Variants in SPATA13 observed in about 807,000 individuals in gnomAD.
SPATA13 encodes spermatogenesis associated 13, also known as spermatogenesis-associated protein 13.
Under a neutral mutation model 104.0 loss-of-function variants are expected in SPATA13, and 50 were observed. The ratio of observed to expected loss-of-function variants is 0.48; its 90% CI spans 0.38 to 0.61. SPATA13 has a LOEUF of 0.61. Ranked by LOEUF, SPATA13 falls within the 20% of genes least tolerant of loss-of-function variation. The pLI is 0.00. For missense variants in SPATA13, 1,524 were observed against 1,690.6 expected (o/e 0.90, Z 1.73); for synonymous variants, 606 against 667.5 (o/e 0.91, Z 1.42).
At chr13:24,145,079 G>T (rs1434843613) in intron 3 of SPATA13, among the ~76,000 whole-genome samples, 1 of 152,168 alleles carries the variant, frequency 6.6e-6, no homozygotes, top group Non-Finnish European at 1.5e-5. Context: ...TCTGAAGTGG[G>T]CAAGTCAAAG....
At chr13:24,055,582 C>T (rs1263029281) in intron 3 of SPATA13, among the ~76,000 whole-genome samples, 1 of 152,162 alleles carries the variant, frequency 6.6e-6, no homozygotes, top group African/African-American at 2.4e-5. Context: ...AGGCACAGTG[C>T]TAGGCTGCAG....
At chr13:24,109,276 A>G (rs569859994) in intron 3 of SPATA13, among the ~76,000 whole-genome samples, 3 of 152,172 alleles carry the variant, frequency 2.0e-5, no homozygotes, top group Non-Finnish European at 4.4e-5. Flanking sequence ...TGTCCCTGCA[A>G]AGGACATGAA....
intron 2 of SPATA13, among the ~76,000 whole-genome samples, chr13:23,995,613 G>A (rs1875645311): frequency 6.6e-6 from 1 of 152,182 alleles, no homozygotes; most frequent in African/African-American, 2.4e-5. Flanking sequence ...ATCTGTATCT[G>A]ATATGCATTT....
intron 4 of SPATA13, among the ~76,000 whole-genome samples, chr13:24,277,385 A>G (rs959168225): frequency 1.4e-5 from 2 of 145,636 alleles, no homozygotes; most frequent in African/African-American, 2.5e-5. Flanking sequence ...CGGAGCTTGC[A>G]GTGACCCGAG....
chr13:24,290,460 G>A lies in SPATA13; in HGVS notation c.2848-192G>A, dbSNP rs150200121. On this transcript the variant is annotated intron_variant, in intron 8 of 12. Transcript: ENST00000382108. ...GCCTGCTGAAGCACCCCTTCTCGCCGGCCAGATAACGCTTGCGGAAACCAT... is the reference window on the plus strand; with the variant it reads ...GCCTGCTGAAGCACCCCTTCTCGCCAGCCAGATAACGCTTGCGGAAACCAT... Among the ~76,000 whole-genome samples, 175 of 152,154 alleles carry A rather than the reference G, an allele frequency of 1.2e-3. 2 individuals are homozygous for A. The highest frequency in any genetic ancestry group is 3.8e-3 in the African/African-American group (158 of 41,514).
intron 10 of SPATA13, among the ~76,000 whole-genome samples, chr13:24,295,462 A>G (rs1876702427): frequency 6.6e-6 from 1 of 152,130 alleles, no homozygotes; most frequent in African/African-American, 2.4e-5. Context: ...AGTAAAAAAA[A>G]TCAGCCAGGC....
rs150763906 is a variant in SPATA13, at chr13:24,265,495, G to A, written c.2164+13633G>A. On this transcript the variant is annotated intron_variant, in intron 4 of 12. Coordinates refer to ENST00000382108, the MANE Select transcript of SPATA13 (RefSeq NM_001166271.3). ...AATGTAGCAAATTATTTCCTGTGAA[G>A]GACTCTCCCATCCCAACTTTAGAAA... Among the ~76,000 whole-genome samples, 143 of 152,308 alleles carry A rather than the reference G, an allele frequency of 9.4e-4. 1 individual carries two copies. The highest frequency in any genetic ancestry group is 3.4e-3 in the African/African-American group (140 of 41,558).
chr13:24,290,684 C>T lies in SPATA13; in HGVS notation c.2880C>T (p.Cys960=), dbSNP rs769414136. Residue 960 remains cysteine, a synonymous_variant, in exon 9 of 13, where the codon TGC becomes TGT. Transcript: ENST00000382108. Reference sequence around the variant, plus strand: ...GCTTTGCCATCTATTCCGAGTACTGCAACAACCACCCGGGCGCCTGCCTGG... The same window carrying T: ...GCTTTGCCATCTATTCCGAGTACTGTAACAACCACCCGGGCGCCTGCCTGG... ...QEGFAIYSEY[C]NNHPGACLEL... 3 of 1,614,060 alleles carry T rather than the reference C, an allele frequency of 1.9e-6. No individual in the cohort carries two copies. Among genetic ancestry groups the T allele is most frequent in the Non-Finnish European group, 1.7e-6 (2 of 1,180,030 alleles).
chr13:24,207,545 A>G (rs1870771996), intron 1 of SPATA13, among the ~76,000 whole-genome samples: 2 of 102,774 alleles, frequency 1.9e-5, no homozygotes, highest in Admixed American at 2.4e-4. Context: ...ATTTCCACCA[A>G]CAGTACACCC....
chr13:24,274,340 A>T (rs1453101163), intron 4 of SPATA13, among the ~76,000 whole-genome samples: 1 of 152,244 alleles, frequency 6.6e-6, no homozygotes, highest in African/African-American at 2.4e-5. Flanking sequence ...ATAAATTCTC[A>T]GCCAACATCC....
intron 3 of SPATA13, among the ~76,000 whole-genome samples, chr13:24,029,587 A>G (rs1158185440): frequency 6.6e-6 from 1 of 152,216 alleles, no homozygotes; most frequent in African/African-American, 2.4e-5. Context: ...ACTGTTCTGT[A>G]GAGCATTTTT....
At chr13:24,302,483 A>G in intron 12 of SPATA13, 115 bp from the exon 13 acceptor site, 1 of 434,096 alleles carries the variant, frequency 2.3e-6, no homozygotes, top group Non-Finnish European at 3.8e-6. Flanking sequence ...AAAAAAAAAA[A>G]AAAAAAGAAT....
intron 3 of SPATA13, among the ~76,000 whole-genome samples, chr13:24,145,151 A>C (rs1420372556): frequency 6.6e-6 from 1 of 152,206 alleles, no homozygotes; most frequent in Non-Finnish European, 1.5e-5. Context: ...TTTGTAATTT[A>C]GATGCTGGGG....
In SPATA13 at chr13:24,290,841, C is replaced by CTGT; in HGVS notation, c.3039_3040insTTG (p.Leu1013dup). 6.2e-7 allele frequency: 1 copy of CTGT among 1,614,166 alleles called. No individual in the cohort carries two copies. Among genetic ancestry groups the CTGT allele is most frequent in the Non-Finnish European group, 8.5e-7 (1 of 1,180,032 alleles). On this transcript the variant is annotated inframe_insertion, in exon 9 of 13. Coordinates refer to ENST00000382108, the MANE Select transcript of SPATA13 (RefSeq NM_001166271.3). ...AGTGCAGAAGATCTGCAAATACCCG[C>CTGT]TGCAGCTGGCCGAGCTGCTCAAGTA...
At chr13:24,288,522 T>C (rs949801894) in intron 7 of SPATA13, among the ~76,000 whole-genome samples, 3 of 152,128 alleles carry the variant, frequency 2.0e-5, no homozygotes, top group South Asian at 2.1e-4. Flanking sequence ...GACCCACAGA[T>C]TGATGCTGTC....
At chr13:24,240,807 G>T (rs80274457) in intron 2 of SPATA13, among the ~76,000 whole-genome samples, 1 of 152,078 alleles carries the variant, frequency 6.6e-6, no homozygotes, top group Non-Finnish European at 1.5e-5. Flanking sequence ...TGTGTTTTTC[G>T]CATCTTTTAT....
intron 2 of SPATA13, among the ~76,000 whole-genome samples, chr13:24,012,015 TG>T (rs1876490863): frequency 6.6e-6 from 1 of 152,224 alleles, no homozygotes; most frequent in African/African-American, 2.4e-5. Context: ...CAAAACTTGC[TG>T]ATGACTTACT....
chr13:24,032,383 A>G (rs1294517208), intron 3 of SPATA13, among the ~76,000 whole-genome samples: 1 of 152,230 alleles, frequency 6.6e-6, no homozygotes, highest in African/African-American at 2.4e-5. Flanking sequence ...TGATGTAACA[A>G]GTGTCATGGG....
chr13:24,280,934 A>C (rs1279245796), intron 4 of SPATA13, among the ~76,000 whole-genome samples: 1 of 152,150 alleles, frequency 6.6e-6, no homozygotes, highest in Non-Finnish European at 1.5e-5. Flanking sequence ...AACAGTCACC[A>C]TGCGTTGTTC....
Sources: allele counts gnomAD v4.1 joint callset (sites outside exome capture counted in the v4.1 genomes callset), GRCh38; gene constraint gnomAD v4.1.1; transcripts MANE v1.5; gene names NCBI Gene and HGNC (gene_info 2026-07-23, HGNC 2026-07-21).